Variants in AMN observed in about 807,000 individuals in gnomAD.
The protein encoded by AMN is protein amnionless.
AMN carries 40 observed loss-of-function variants against 49.1 expected under a neutral mutation model. That is an observed-to-expected ratio of 0.81 (90% CI 0.63 to 1.06). The LOEUF is 1.06. Among genes scored for constraint, AMN ranks in the 50% least tolerant of loss-of-function variants. The probability of loss-of-function intolerance (pLI) is 0.00; values close to 1 mark genes in which losing one functional copy is unlikely to be tolerated. For synonymous variants in AMN, 380 were observed against 313.3 expected (o/e 1.21, Z -2.25); for missense variants, 701 against 662.8 (o/e 1.06, Z -0.63).
chr14:102,926,339 T>C (rs973222160), intron 3 of AMN, among the ~76,000 whole-genome samples: 1 of 152,178 alleles, frequency 6.6e-6, no homozygotes, highest in African/African-American at 2.4e-5. Context: ...CCTTGCCCTT[T>C]TGTTCTAGCA....
In AMN at chr14:102,930,678, T is replaced by C; in HGVS notation, c.1360T>C (p.Ter454ArgextTer4). The stretch of plus-strand genomic sequence containing the variant: ...GTTCGCCGGGGCCGAGGCCGAGGCC[T>C]GAGCGGCCGCCTGACCGTCGACCTT... Reference protein sequence around the residue: ...PLFAGAEAEA* With the variant: ...PLFAGAEAEAR The change falls in exon 12 of 12, where the codon TGA becomes CGA. Residue 454 changes from the stop codon to arginine, a stop_lost. Coordinates refer to ENST00000299155, the MANE Select transcript of AMN (RefSeq NM_030943.4). The C allele has an allele frequency of 6.3e-7, 1 of 1,580,266 alleles. No homozygotes were observed. Among genetic ancestry groups the C allele is most frequent in the African/African-American group, 1.4e-5 (1 of 74,012 alleles).
In AMN at chr14:102,928,798, G is replaced by C. The variant is rs775778646; in HGVS notation, c.336G>C (p.Trp112Cys). ...TCCGCGACTCTGACCGCTTCTCCTG[G>C]CATGACCCGCACCTGTGGCGCTCTG... ...AVFRDSDRFSWHDPHLWRSGD... is the reference protein window; with the variant it reads ...AVFRDSDRFSCHDPHLWRSGD... The change falls in exon 5 of 12, where the codon TGG (tryptophan) becomes TGC (cysteine). Residue 112 changes from tryptophan to cysteine, a missense_variant. Trp to Cys is a radical substitution (Grantham distance 215). Coordinates refer to ENST00000299155, the MANE Select transcript of AMN (RefSeq NM_030943.4). 5 of 1,608,164 alleles carry C rather than the reference G, an allele frequency of 3.1e-6. No individual in the cohort carries two copies. The highest frequency in any genetic ancestry group is 1.3e-5 in the African/African-American group (1 of 74,926).
chr14:102,926,893 G>A (rs1891200765), intron 3 of AMN, among the ~76,000 whole-genome samples: 1 of 151,364 alleles, frequency 6.6e-6, no homozygotes, highest in African/African-American at 2.4e-5. Context: ...TCAATACTTT[G>A]TTAAGTTTGT....
At chr14:102,926,408 T>C (rs1012131129) in intron 3 of AMN, among the ~76,000 whole-genome samples, 2 of 151,630 alleles carry the variant, frequency 1.3e-5, no homozygotes, top group African/African-American at 4.9e-5. Flanking sequence ...TGTCTTCAAG[T>C]CCACAGGCCG....
Position 102,930,831 on chromosome 14 carries a change from G to A in AMN, c.*151G>A. The A allele has an allele frequency of 1.1e-6, 1 of 886,718 alleles. No individual in the cohort carries two copies. 54.9% of individuals were successfully genotyped at this position (886,718 alleles called of 1,614,324 possible). A position where few individuals can be genotyped will look rare whatever the true frequency, so the allele number is the denominator to read the frequency against. ...GACAGGGTGGCCTTACTCAGTAAAG[G>A]TGTTTCCTGCACCTGCTGTCAGCCT... On this transcript the variant is annotated 3_prime_UTR_variant, in exon 12 of 12. Transcript: ENST00000299155.
intron 4 of AMN, 73 bp downstream of exon 4, chr14:102,928,586 G>A (rs945435433): frequency 3.9e-6 from 6 of 1,524,950 alleles, no homozygotes; most frequent in Non-Finnish European, 3.5e-6. Flanking sequence ...AAGGCGCGTC[G>A]AGGGGGGCGA....
In AMN at chr14:102,930,641, C is replaced by G; in HGVS notation, c.1323C>G (p.Phe441Leu). The G allele has an allele frequency of 1.2e-6, 2 of 1,601,274 alleles. No individual in the cohort carries two copies. Among genetic ancestry groups the G allele is most frequent in the Non-Finnish European group, 1.7e-6 (2 of 1,175,198 alleles). The change falls in exon 12 of 12, where the codon TTC (phenylalanine) becomes TTG (leucine). Residue 441 changes from phenylalanine to leucine, a missense_variant. Physicochemically the swap from Phe to Leu is conservative, Grantham distance 22. Transcript: ENST00000299155. ...AAADSTSHSY[F>L]VNPLFAGAEA... ...CAGACAGCACCAGCCACAGTTACTTCGTCAACCCTCTGTTCGCCGGGGCCG... is the reference window on the plus strand; with the variant it reads ...CAGACAGCACCAGCCACAGTTACTTGGTCAACCCTCTGTTCGCCGGGGCCG...
intron 1 of AMN, 37 bp from the exon 2 acceptor site, chr14:102,923,674 G>A (rs200253593): frequency 3.2e-5 from 50 of 1,568,350 alleles, no homozygotes; most frequent in Admixed American, 1.7e-4. Context: ...GGAGCATCCC[G>A]GAGAGCATCC....
intron 3 of AMN, among the ~76,000 whole-genome samples, chr14:102,924,589 C>A (rs1349554024): frequency 6.6e-6 from 1 of 152,228 alleles, no homozygotes; most frequent in Admixed American, 6.5e-5. Flanking sequence ...CATGGAAGAA[C>A]TGTCTTCCAC....
chr14:102,929,529 C>T lies in AMN; in HGVS notation c.753C>T (p.Asp251=), dbSNP rs1351754876. Residue 251 remains aspartate (D), a synonymous_variant, in exon 7 of 12, where the codon GAC becomes GAT. Transcript: ENST00000299155. ...SALRPQGQCC[D]LCGAVVLLTH... ...TCCGGCCCCAGGGGCAGTGCTGTGA[C>T]CTCTGTGGTAAGCGCCCCCGCCGGG... is the stretch of plus-strand genomic sequence containing the variant. 4 of 1,538,088 alleles carry T rather than the reference C, an allele frequency of 2.6e-6. No homozygotes were observed. The highest frequency in any genetic ancestry group is 2.0e-5 in the Admixed American group (1 of 50,990).
Position 102,928,516 on chromosome 14 carries a change from G to T in AMN, c.295+3G>T. The T allele has an allele frequency of 6.2e-7, 1 of 1,604,948 alleles. No homozygotes were observed. ...CTCGCACCTGGACTGTGGCGCGGGT[G>T]AGGCGGTCGGGCAGGGGCGGGGCTC... is the stretch of plus-strand genomic sequence containing the variant. On this transcript the variant is annotated splice_donor_region_variant and intron_variant, in intron 4 of 11. Coordinates refer to ENST00000299155, the MANE Select transcript of AMN (RefSeq NM_030943.4).
In AMN at chr14:102,930,095, GCCCGCCCCAT is replaced by G. The variant is rs1891302398; in HGVS notation, c.1006+18_1006+27del. Reference sequence around the variant, plus strand: ...GGACGTCGCCGAGAACGGTAACCGCGCCCGCCCCATCCCGCCCCGCCGCGCCTCGCCCCGC... The same window carrying G: ...GGACGTCGCCGAGAACGGTAACCGCGCCCGCCCCGCCGCGCCTCGCCCCGC... On this transcript the variant is annotated intron_variant, in intron 9 of 11. Transcript: ENST00000299155. 1.3e-6 allele frequency: 2 copies of G among 1,529,200 alleles called. No individual in the cohort carries two copies. The highest frequency in any genetic ancestry group is 2.0e-5 in the Admixed American group (1 of 49,988). 94.7% of individuals were successfully genotyped at this position (1,529,200 alleles called of 1,614,324 possible).
rs923581055 is a variant in AMN, at chr14:102,930,343, G to A, written c.1169+16G>A. 1 of 1,412,840 alleles carries A rather than the reference G, an allele frequency of 7.1e-7. No individual in the cohort carries two copies. Among genetic ancestry groups the A allele is most frequent in the East Asian group, 3.0e-5 (1 of 33,620 alleles). The allele number at this position is 1,412,840 out of a possible 1,614,324, so 87.5% of individuals were successfully genotyped here. A position where few individuals can be genotyped will look rare whatever the true frequency, so the allele number is the denominator to read the frequency against. Reference sequence around the variant, plus strand: ...GGAGGCTCAGGTACGCGGGGCGGGGGCGCGGAGGTGGGGCTGGGGGTTGCT... The same window carrying A: ...GGAGGCTCAGGTACGCGGGGCGGGGACGCGGAGGTGGGGCTGGGGGTTGCT... On this transcript the variant is annotated intron_variant, in intron 10 of 11. Coordinates refer to ENST00000299155, the MANE Select transcript of AMN (RefSeq NM_030943.4).
chr14:102,930,110 C>A, intron 9 of AMN, 24 bp downstream of exon 9: 7 of 1,510,916 alleles, frequency 4.6e-6, no homozygotes, highest in Non-Finnish European at 6.2e-6. Flanking sequence ...CCCCATCCCG[C>A]CCCGCCGCGC....
chr14:102,930,590 G>A lies in AMN; in HGVS notation c.1272G>A (p.Arg424=). ...TCACCCCGCAGCCCCTGCCGCGGCG[G>A]CTCAGCCTGGTTCCGAAGGCGGCCG... is the stretch of plus-strand genomic sequence containing the variant. ...TASEELPLPR[R]LSLVPKAAAD... is the part of the protein sequence containing the mutation. The change falls in exon 12 of 12, where the codon CGG becomes CGA. Residue 424 remains arginine, a synonymous_variant. Transcript: ENST00000299155. The A allele has an allele frequency of 6.3e-7, 1 of 1,583,936 alleles. No individual in the cohort carries two copies. The highest frequency in any genetic ancestry group is 1.1e-5 in the South Asian group (1 of 87,082).
At chr14:102,927,659 C>A (rs1462944934) in intron 3 of AMN, among the ~76,000 whole-genome samples, 1 of 152,212 alleles carries the variant, frequency 6.6e-6, no homozygotes, top group African/African-American at 2.4e-5. Context: ...GAGCCCCTCA[C>A]AACCTGGCAG....
Position 102,930,312 on chromosome 14 carries a change from G to T in AMN, c.1154G>T (p.Arg385Leu). The T allele has an allele frequency of 7.3e-7, 1 of 1,378,104 alleles. No homozygotes were observed. The highest frequency in any genetic ancestry group is 1.7e-5 in the South Asian group (1 of 58,816). 85.4% of individuals were successfully genotyped at this position (1,378,104 alleles called of 1,614,324 possible). Reference protein sequence around the residue: ...VLLVAPPLLRRAGRLRWRRHE... With the variant: ...VLLVAPPLLRLAGRLRWRRHE... ...CTGGTGGCGCCGCCGCTGCTGCGCC[G>T]CGCGGGGAGGCTCAGGTACGCGGGG... The change falls in exon 10 of 12, where the codon CGC becomes CTC. Residue 385 changes from arginine to leucine, a missense_variant. Arg to Leu is a moderately radical substitution (Grantham distance 102). Coordinates refer to ENST00000299155, the MANE Select transcript of AMN (RefSeq NM_030943.4).
chr14:102,930,517 G>C (rs770986064), intron 11 of AMN, 24 bp downstream of exon 11: 5 of 1,540,430 alleles, frequency 3.2e-6, no homozygotes, highest in Non-Finnish European at 4.4e-6. Flanking sequence ...AGGGGGGACC[G>C]GGGCCTCCTC....
rs774189907 is a variant in AMN at position 102,930,244 on chromosome 14, GGGCGGCGT to G, written c.1093_1100del (p.Val365CysfsTer?). 1.4e-6 allele frequency: 2 copies of G among 1,382,574 alleles called. No homozygotes were observed. Among genetic ancestry groups the G allele is most frequent in the South Asian group, 3.3e-5 (2 of 60,198 alleles). The allele number at this position is 1,382,574 out of a possible 1,614,324, so 85.6% of individuals were successfully genotyped here. A position where few individuals can be genotyped will look rare whatever the true frequency, so the allele number is the denominator to read the frequency against. On this transcript the variant is annotated frameshift_variant, in exon 10 of 12. Transcript: ENST00000299155. LOFTEE classifies it high-confidence loss of function. ...GGGGCAGCTCCGCGGCTGGGCTGGC[GGGCGGCGT>G]GGCGGCTGCCGTGCTGCTGGCGCTG...
Sources: gnomAD v4.1 joint callset for allele counts (sites outside exome capture counted in the v4.1 genomes callset) on GRCh38, gnomAD v4.1.1 for gene constraint, MANE v1.5 for transcripts, NCBI Gene and HGNC (gene_info 2026-07-23, HGNC 2026-07-21) for gene names.